The following MVB12B variants were observed in gnomAD, a reference collection of about 807,000 sequenced individuals.
MVB12B encodes the protein multivesicular body subunit 12B, also known as ESCRT-I complex subunit MVB12B.
A neutral mutation model predicts 41.6 loss-of-function variants in MVB12B; 16 were observed. The ratio of observed to expected loss-of-function variants is 0.38; its 90% CI spans 0.26 to 0.58. MVB12B has a LOEUF of 0.58. Among genes scored for constraint, MVB12B ranks in the 20% least tolerant of loss-of-function variants. MVB12B has a pLI of 0.62. For synonymous variants in MVB12B, 133 were observed against 139.7 expected, an observed-to-expected ratio of 0.95 and a Z score of 0.34; for missense variants, 274 against 380.2, an observed-to-expected ratio of 0.72 and a Z score of 2.32.
intron 7 of MVB12B, among the ~76,000 whole-genome samples, chr9:126,454,788 G>A (rs1488258786): frequency 1.4e-5 from 2 of 147,338 alleles, no homozygotes; most frequent in African/African-American, 2.5e-5. Flanking sequence ...CCATAATTGA[G>A]TTTTTTTTTT....
chr9:126,327,628 GCTGGGACA>G (rs1829019024), intron 1 of MVB12B, among the ~76,000 whole-genome samples: 3 of 152,196 alleles, frequency 2.0e-5, no homozygotes, highest in Non-Finnish European at 4.4e-5. Flanking sequence ...AGGAGCAGGG[GCTGGGACA>G]AGAGCTGAGG....
At chr9:126,402,626 C>T (rs952934386) in intron 6 of MVB12B, among the ~76,000 whole-genome samples, 3 of 151,568 alleles carry the variant, frequency 2.0e-5, no homozygotes, top group Admixed American at 6.6e-5. Flanking sequence ...CCAGCCTGGG[C>T]GACAGTGCAA....
At chr9:126,444,486 C>T (rs929705111) in intron 7 of MVB12B, among the ~76,000 whole-genome samples, 28 of 152,090 alleles carry the variant, frequency 1.8e-4, no homozygotes, top group Admixed American at 1.4e-3. Context: ...TTGTGTTACT[C>T]GAGACCTTTG....
chr9:126,392,507 C>G lies in MVB12B; in HGVS notation c.539+312C>G, dbSNP rs1458433769. ...CAGCTCTTCACACTCGTTATTCACCCTAGGAAAGGTCACAGGGACCTATTT... is the reference window on the plus strand; with the variant it reads ...CAGCTCTTCACACTCGTTATTCACCGTAGGAAAGGTCACAGGGACCTATTT... On this transcript the variant is annotated intron_variant, in intron 5 of 9. Coordinates refer to ENST00000361171, the MANE Select transcript of MVB12B (RefSeq NM_033446.3). This position sits in a 1 kb window ranked among gnomAD's most constrained non-coding sequence, Gnocchi z 4.8. 6.6e-6 allele frequency among the ~76,000 whole-genome samples: 1 copy of G among 152,230 alleles called. No homozygotes were observed. Among genetic ancestry groups the G allele is most frequent in the Non-Finnish European group, 1.5e-5 (1 of 68,036 alleles).
intron 7 of MVB12B, among the ~76,000 whole-genome samples, chr9:126,434,785 T>A (rs1588170124): frequency 6.6e-6 from 1 of 152,212 alleles, no homozygotes; most frequent in African/African-American, 2.4e-5. Flanking sequence ...CTATTTATGC[T>A]TCTTGTAAAA....
intron 6 of MVB12B, among the ~76,000 whole-genome samples, chr9:126,407,402 C>A (rs1038047633): frequency 6.6e-6 from 1 of 152,140 alleles, no homozygotes; most frequent in Non-Finnish European, 1.5e-5. Context: ...GTGTGCTGGC[C>A]GGCATTTCCT....
intron 6 of MVB12B, among the ~76,000 whole-genome samples, chr9:126,398,092 C>G (rs113485919): frequency 6.6e-6 from 1 of 152,074 alleles, no homozygotes; most frequent in Non-Finnish European, 1.5e-5. Context: ...GCCTTTGCTC[C>G]CGGTGCTCCC....
At chr9:126,350,375 A>G (rs1414957809) in intron 2 of MVB12B, among the ~76,000 whole-genome samples, 1 of 152,176 alleles carries the variant, frequency 6.6e-6, no homozygotes, top group Non-Finnish European at 1.5e-5. Context: ...TCTGTGAATC[A>G]TGTTTTGGTG....
intron 2 of MVB12B, among the ~76,000 whole-genome samples, chr9:126,359,504 A>AT (rs774938413): frequency 2.4e-4 from 36 of 152,262 alleles, no homozygotes; most frequent in Admixed American, 4.6e-4. Flanking sequence ...ATATTTGCAG[A>AT]TTTTACCAGT....
rs530088347 is a variant in MVB12B, at chr9:126,370,619, T to C, written c.205-10445T>C. 1.5e-3 allele frequency among the ~76,000 whole-genome samples: 235 copies of C among 152,202 alleles called. 1 individual carries two copies. Among genetic ancestry groups the C allele is most frequent in the African/African-American group, 5.4e-3 (226 of 41,540 alleles). ...CTGGTCTTGAACTCCTGACCTGAAGTGATCCACCCACCTCGACCTCCCAAA... is the reference window on the plus strand; with the variant it reads ...CTGGTCTTGAACTCCTGACCTGAAGCGATCCACCCACCTCGACCTCCCAAA... On this transcript the variant is annotated intron_variant, in intron 2 of 9. Coordinates refer to ENST00000361171, the MANE Select transcript of MVB12B (RefSeq NM_033446.3).
At chr9:126,475,451 A>G (rs1165941087) in intron 7 of MVB12B, among the ~76,000 whole-genome samples, 1 of 152,216 alleles carries the variant, frequency 6.6e-6, no homozygotes, top group Non-Finnish European at 1.5e-5. Flanking sequence ...GGATAACATG[A>G]GAAAATTTGT....
intron 8 of MVB12B, 89 bp downstream of exon 8, chr9:126,481,513 C>A: frequency 1.0e-6 from 1 of 960,350 alleles, no homozygotes; most frequent in South Asian, 1.3e-5. Flanking sequence ...CAGGGCTGTT[C>A]TGGCAGTACT....
At chr9:126,393,828 C>T (rs1398172646) in intron 5 of MVB12B, among the ~76,000 whole-genome samples, 2 of 152,238 alleles carry the variant, frequency 1.3e-5, no homozygotes, top group African/African-American at 4.8e-5. Context: ...CCAGAGGCAC[C>T]CTGTCCTCCT....
chr9:126,356,787 C>T (rs926665948), intron 2 of MVB12B, among the ~76,000 whole-genome samples: 3 of 152,012 alleles, frequency 2.0e-5, no homozygotes, highest in African/African-American at 7.2e-5. Flanking sequence ...TCATTTAAAA[C>T]TGTGTGGCAC....
At chr9:126,483,509 C>A (rs1275369802) in intron 8 of MVB12B, among the ~76,000 whole-genome samples, 1 of 152,190 alleles carries the variant, frequency 6.6e-6, no homozygotes, top group African/African-American at 2.4e-5. Context: ...AGGAACTCTT[C>A]CTCCCTGGAG....
intron 7 of MVB12B, among the ~76,000 whole-genome samples, chr9:126,466,134 T>G (rs915781467): frequency 6.6e-6 from 1 of 152,184 alleles, no homozygotes; most frequent in African/African-American, 2.4e-5. Context: ...GTTCTGTGGG[T>G]CAGTGGGTGA....
At chr9:126,404,897 G>A (rs374558224) in intron 6 of MVB12B, among the ~76,000 whole-genome samples, 28 of 152,330 alleles carry the variant, frequency 1.8e-4, no homozygotes, top group African/African-American at 6.3e-4. Flanking sequence ...AGCGGCGGCC[G>A]CTCTTGGACC....
chr9:126,345,928 C>A (rs567831411), intron 2 of MVB12B, among the ~76,000 whole-genome samples: 2 of 152,294 alleles, frequency 1.3e-5, no homozygotes, highest in Non-Finnish European at 1.5e-5. Context: ...TCATTGGTTT[C>A]ACAAATGTTT....
rs373010713 is a variant in MVB12B, at chr9:126,376,763, C to T, written c.205-4301C>T. On this transcript the variant is annotated intron_variant, in intron 2 of 9. Coordinates refer to ENST00000361171, the MANE Select transcript of MVB12B (RefSeq NM_033446.3). This position sits in a 1 kb window ranked among gnomAD's most constrained non-coding sequence, Gnocchi z 4.1. ...CCTGACCTCCAGCCTCCTTCCCCAC[C>T]TGCCGGGCTTGTAGAGTCCTGAGCT... 7.4e-6 allele frequency: 9 copies of T among 1,219,558 alleles called. No individual in the cohort carries two copies. In the South Asian group the frequency reaches 1.3e-4, roughly 17 times the overall value. 75.5% of individuals were successfully genotyped at this position (1,219,558 alleles called of 1,614,324 possible).
Sources: allele counts gnomAD v4.1 joint callset (sites outside exome capture counted in the v4.1 genomes callset), GRCh38; gene constraint gnomAD v4.1.1; non-coding constraint Gnocchi (gnomAD v3.1); transcripts MANE v1.5; gene names NCBI Gene and HGNC (gene_info 2026-07-23, HGNC 2026-07-21).